Variants in IQCM observed in about 807,000 individuals in gnomAD.
IQCM encodes the protein IQ motif containing M.
In IQCM, 45 loss-of-function variants were observed where a neutral mutation model predicts 57.6. The ratio of observed to expected loss-of-function variants is 0.78; its 90% CI spans 0.62 to 1.00. The LOEUF is 1.00. IQCM is among the 50% of genes least tolerant of loss of function. The pLI is 0.00. For missense variants in IQCM, 468 were observed against 511.6 expected, an observed-to-expected ratio of 0.91 and a Z score of 0.82; for synonymous variants, 148 against 158.9, an observed-to-expected ratio of 0.93 and a Z score of 0.51.
intron 12 of IQCM, among the ~76,000 whole-genome samples, chr4:149,528,631 A>G (rs974145603): frequency 6.6e-6 from 1 of 152,158 alleles, no homozygotes; most frequent in Admixed American, 6.5e-5. Context: ...AGCCTGAGGA[A>G]TTGAGGTAAC....
At chr4:149,609,755 G>A (rs184743480) in intron 8 of IQCM, among the ~76,000 whole-genome samples, 1 of 151,786 alleles carries the variant, frequency 6.6e-6, no homozygotes, top group African/African-American at 2.4e-5. Flanking sequence ...AAAAGCCATA[G>A]AAGACAAACT....
intron 7 of IQCM, among the ~76,000 whole-genome samples, chr4:149,664,980 TA>T (rs1310738757): frequency 1.3e-5 from 2 of 152,156 alleles, no homozygotes; most frequent in African/African-American, 4.8e-5. Context: ...AGAAAGAGGT[TA>T]GGCACATGGA....
chr4:149,577,173 C>A (rs1751739342), intron 9 of IQCM, among the ~76,000 whole-genome samples: 1 of 151,948 alleles, frequency 6.6e-6, no homozygotes, highest in African/African-American at 2.4e-5. Context: ...TTCTCCCATT[C>A]TGTGGGTTGT....
intron 12 of IQCM, among the ~76,000 whole-genome samples, chr4:149,480,552 A>G (rs1320448800): frequency 2.0e-5 from 3 of 152,182 alleles, no homozygotes; most frequent in Non-Finnish European, 4.4e-5. Context: ...CACTTATCAT[A>G]ATGACTTCCA....
intron 12 of IQCM, among the ~76,000 whole-genome samples, chr4:149,442,411 C>CA (rs1182564979): frequency 2.6e-4 from 40 of 151,394 alleles, no homozygotes; most frequent in Middle Eastern, 3.2e-3. Context: ...GCAACAACAA[C>CA]AAAAAAAACC....
intron 2 of IQCM, among the ~76,000 whole-genome samples, chr4:149,806,178 T>C (rs530038513): frequency 3.3e-4 from 50 of 151,946 alleles, no homozygotes; most frequent in Non-Finnish European, 2.9e-4. Flanking sequence ...TTAATTTTTA[T>C]GTACATGCTT....
intron 13 of IQCM, among the ~76,000 whole-genome samples, chr4:149,410,066 C>T (rs935850098): frequency 3.3e-5 from 5 of 152,118 alleles, no homozygotes; most frequent in Admixed American, 6.6e-5. Flanking sequence ...CAACTGTAAT[C>T]CAAGCTATTT....
chr4:149,507,485 A>C (rs569797266), intron 12 of IQCM, among the ~76,000 whole-genome samples: 1 of 152,328 alleles, frequency 6.6e-6, no homozygotes, highest in Non-Finnish European at 1.5e-5. Context: ...CTTGTTGGGA[A>C]TTGGAGCAAA....
At chr4:149,387,464 T>C (rs1731503786) in intron 13 of IQCM, among the ~76,000 whole-genome samples, 1 of 152,088 alleles carries the variant, frequency 6.6e-6, no homozygotes, top group South Asian at 2.1e-4. Flanking sequence ...GTGATCTTTG[T>C]CCAAATTAGG....
chr4:149,812,107 C>G (rs1774618076), intron 2 of IQCM, among the ~76,000 whole-genome samples: 1 of 152,092 alleles, frequency 6.6e-6, no homozygotes, highest in African/African-American at 2.4e-5. Context: ...CAGCAAAGTA[C>G]TCTCAAAGGA....
At chr4:149,627,088 G>A (rs1756877066) in intron 7 of IQCM, among the ~76,000 whole-genome samples, 1 of 152,190 alleles carries the variant, frequency 6.6e-6, no homozygotes, top group African/African-American at 2.4e-5. Context: ...GGCTTCAGCA[G>A]CAGTATTTGA....
At chr4:149,551,201 C>T (rs1053621171) in intron 11 of IQCM, among the ~76,000 whole-genome samples, 3 of 152,140 alleles carry the variant, frequency 2.0e-5, no homozygotes, top group South Asian at 2.1e-4. Flanking sequence ...CAAGACTAGC[C>T]GCCTCCAAAT....
At chr4:149,729,646 T>C (rs1215731025) in intron 5 of IQCM, among the ~76,000 whole-genome samples, 4 of 152,054 alleles carry the variant, frequency 2.6e-5, no homozygotes, top group Non-Finnish European at 1.5e-5. Flanking sequence ...AGCTAATTTT[T>C]ATATTTTTAG....
intron 7 of IQCM, among the ~76,000 whole-genome samples, chr4:149,663,965 G>T (rs1037186042): frequency 1.3e-5 from 2 of 151,968 alleles, no homozygotes; most frequent in Non-Finnish European, 2.9e-5. Context: ...GCAAATATTA[G>T]TTCACTTAAT....
intron 2 of IQCM, among the ~76,000 whole-genome samples, chr4:149,788,027 C>G (rs1484182036): frequency 6.6e-6 from 1 of 152,158 alleles, no homozygotes; most frequent in African/African-American, 2.4e-5. Flanking sequence ...CGTGAATAGA[C>G]ATTTTTCAAA....
chr4:149,738,317 A>G (rs1767134668), intron 3 of IQCM, among the ~76,000 whole-genome samples: 1 of 152,196 alleles, frequency 6.6e-6, no homozygotes, highest in Admixed American at 6.5e-5. Context: ...TTGCATTTTA[A>G]GCCAGCAATC....
chr4:149,539,254 C>A lies in IQCM; in HGVS notation c.1228+9201G>T, dbSNP rs574894337. Among the ~76,000 whole-genome samples the A allele has an allele frequency of 2.6e-5, 4 of 152,110 alleles. No individual in the cohort carries two copies. In the East Asian group the frequency reaches 7.7e-4, roughly 29 times the overall value. ...AGAATATAGTACTTAAAATATGTTA[C>A]AACATGGATGAACTTCAAAAATATT... On this transcript the variant is annotated intron_variant, in intron 12 of 13. Transcript: ENST00000636793.
chr4:149,626,941 A>T (rs1448601914), intron 7 of IQCM, among the ~76,000 whole-genome samples: 1 of 152,158 alleles, frequency 6.6e-6, no homozygotes, highest in Admixed American at 6.5e-5. Context: ...AAATACAGAA[A>T]AAAAAAGAAC....
intron 8 of IQCM, among the ~76,000 whole-genome samples, chr4:149,609,151 A>C (rs2150049040): frequency 6.6e-6 from 1 of 151,898 alleles, no homozygotes; most frequent in Non-Finnish European, 1.5e-5. Flanking sequence ...TAAAATGGAT[A>C]AACTCCTAGA....
Sources: gnomAD v4.1 joint callset for allele counts (sites outside exome capture counted in the v4.1 genomes callset) on GRCh38, gnomAD v4.1.1 for gene constraint, MANE v1.5 for transcripts, NCBI Gene and HGNC (gene_info 2026-07-23, HGNC 2026-07-21) for gene names.